Variants in SCN3A observed in about 807,000 individuals in gnomAD.
SCN3A encodes the protein sodium channel protein type 3 subunit alpha.
In SCN3A, 60 loss-of-function variants were observed where a neutral mutation model predicts 187.6. That is an observed-to-expected ratio of 0.32 (90% CI 0.26 to 0.40). The LOEUF (loss-of-function observed/expected upper bound fraction) is 0.40, where lower values mean the gene tolerates loss of function less well. Among genes scored for constraint, SCN3A ranks in the 10% least tolerant of loss-of-function variants. The pLI is 1.00. For synonymous variants in SCN3A, 788 were observed against 829.2 expected (o/e 0.95, Z 0.85); for missense variants, 1,601 against 2,428.2 (o/e 0.66, Z 7.16).
Position 165,087,948 on chromosome 2 carries a change from A to G in SCN3A, c.*2202T>C, listed in dbSNP as rs1333049284. On this transcript the variant is annotated 3_prime_UTR_variant, in exon 28 of 28. Coordinates refer to ENST00000283254, the MANE Select transcript of SCN3A (RefSeq NM_006922.4). Reference sequence around the variant, plus strand: ...TGATCCTTTGCACACATAAAAGTTCACAAAGCTGCTTTTAATTTGCCTTTG... The same window carrying G: ...TGATCCTTTGCACACATAAAAGTTCGCAAAGCTGCTTTTAATTTGCCTTTG... 2.6e-5 allele frequency: 4 copies of G among 152,184 alleles called. No homozygotes were observed. Among genetic ancestry groups the G allele is most frequent in the Non-Finnish European group, 5.9e-5 (4 of 68,016 alleles). 9.4% of individuals were successfully genotyped at this position (152,184 alleles called of 1,614,324 possible).
At position 165,201,283 on chromosome 2, in the gene SCN3A, ATTG is replaced by A. The variant is rs142618843; in HGVS notation, c.-248+2537_-248+2539del. Among the ~76,000 whole-genome samples, 959 of 152,196 alleles carry A rather than the reference ATTG, an allele frequency of 6.3e-3. 6 individuals are homozygous for A. Among genetic ancestry groups the A allele is most frequent in the African/African-American group, 0.022 (909 of 41,544 alleles). On this transcript the variant is annotated intron_variant, in intron 1 of 27. Coordinates refer to ENST00000283254, the MANE Select transcript of SCN3A (RefSeq NM_006922.4). Reference sequence around the variant, plus strand: ...TAAGTGATACTATTATAGGTACACAATTGTTGTTGTTTCAGCAAGGGCATCCTT... The same window carrying A: ...TAAGTGATACTATTATAGGTACACAATTGTTGTTTCAGCAAGGGCATCCTT...
Position 165,090,662 on chromosome 2 carries a change from T to G in SCN3A, c.5491A>C (p.Lys1831Gln). 6.2e-7 allele frequency: 1 copy of G among 1,614,088 alleles called. No individual in the cohort carries two copies. Among genetic ancestry groups the G allele is most frequent in the African/African-American group, 1.3e-5 (1 of 75,032 alleles). ...AGATCCATGGCAATAAGCTGGACTT[T>G]GTTGGGTTTTGCTATGAGAAGAGGA... ...DPPLLIAKPN[K>Q]VQLIAMDLPM... Residue 1831 changes from lysine (K) to glutamine (Q), a missense_variant, in exon 28 of 28, where the codon AAA becomes CAA. This residue lies in a region of SCN3A where 110 missense variants were observed against 175.9 expected (regional missense o/e 0.63). Transcript: ENST00000283254. The surrounding 1 kb of genome is among the most constrained non-coding windows in gnomAD (Gnocchi z 4.0).
intron 18 of SCN3A, among the ~76,000 whole-genome samples, chr2:165,116,178 G>A (rs1686359844): frequency 6.6e-6 from 1 of 152,020 alleles, no homozygotes; most frequent in African/African-American, 2.4e-5. Flanking sequence ...AAAAATGATG[G>A]ATCTCTCTCT....
intron 12 of SCN3A, among the ~76,000 whole-genome samples, chr2:165,143,591 G>T (rs954574260): frequency 2.6e-5 from 4 of 152,186 alleles, no homozygotes; most frequent in African/African-American, 9.7e-5. Context: ...CACACTAGAA[G>T]ATGCAGCAGA....
chr2:165,103,696 G>A (rs1326775960), intron 21 of SCN3A, among the ~76,000 whole-genome samples: 2 of 152,118 alleles, frequency 1.3e-5, no homozygotes, highest in Non-Finnish European at 2.9e-5. Flanking sequence ...TTCCAAAGAA[G>A]ATTCTGGAAA....
intron 15 of SCN3A, among the ~76,000 whole-genome samples, chr2:165,133,915 G>A (rs533143607): frequency 6.6e-5 from 10 of 152,068 alleles, no homozygotes; most frequent in South Asian, 2.1e-4. Context: ...AATTGATTTC[G>A]TAAAAACCAT....
chr2:165,143,337 T>G (rs909011651), intron 12 of SCN3A, among the ~76,000 whole-genome samples: 5 of 152,198 alleles, frequency 3.3e-5, no homozygotes, highest in Admixed American at 1.3e-4. Context: ...AAAATCGGTC[T>G]ACACAGTATT....
rs1277810523 is a variant in SCN3A at position 165,089,916 on chromosome 2, C to T, written c.*234G>A. 2 of 558,188 alleles carry T rather than the reference C, an allele frequency of 3.6e-6. No individual in the cohort carries two copies. The highest frequency in any genetic ancestry group is 6.6e-5 in the Admixed American group (2 of 30,502). The allele number at this position is 558,188 out of a possible 1,614,324, so 34.6% of individuals were successfully genotyped here. A position where few individuals can be genotyped will look rare whatever the true frequency, so the allele number is the denominator to read the frequency against. On this transcript the variant is annotated 3_prime_UTR_variant, in exon 28 of 28. Transcript: ENST00000283254. Reference sequence around the variant, plus strand: ...AGTCTAGGTAGCCATTGGGTTTCTCCTCAGCAGTGTCAGCTGGTAATAAAA... The same window carrying T: ...AGTCTAGGTAGCCATTGGGTTTCTCTTCAGCAGTGTCAGCTGGTAATAAAA...
chr2:165,108,464 C>T (rs1165541111), intron 21 of SCN3A, among the ~76,000 whole-genome samples: 1 of 152,116 alleles, frequency 6.6e-6, no homozygotes, highest in African/African-American at 2.4e-5. Flanking sequence ...CAAGCATCTC[C>T]TTTTAACCTG....
rs554865846 is a variant in SCN3A, at chr2:165,139,354, T to C, written c.2152+122A>G. 6.5e-4 allele frequency: 864 copies of C among 1,328,104 alleles called. 2 individuals are homozygous for C. In the African/African-American group the frequency reaches 0.012, roughly 18 times the overall value. 82.3% of individuals were successfully genotyped at this position (1,328,104 alleles called of 1,614,324 possible). On this transcript the variant is annotated intron_variant, in intron 14 of 27. Transcript: ENST00000283254. ...GTGATAATGTACTCCATATATCACATTCTTAGGTCTAATATATAGTTTCGA... is the reference window on the plus strand; with the variant it reads ...GTGATAATGTACTCCATATATCACACTCTTAGGTCTAATATATAGTTTCGA...
At chr2:165,098,044 CCT>C (rs1685442597) in intron 22 of SCN3A, among the ~76,000 whole-genome samples, 1 of 151,980 alleles carries the variant, frequency 6.6e-6, no homozygotes, top group African/African-American at 2.4e-5. Context: ...CCTTTTTCCC[CCT>C]GTTAGTAAAT....
intron 7 of SCN3A, 62 bp from the exon 8 acceptor site, chr2:165,162,890 G>A: frequency 6.4e-7 from 1 of 1,568,834 alleles, no homozygotes; most frequent in Non-Finnish European, 8.8e-7. Context: ...TTTCTTAATA[G>A]TCACACACAT....
intron 5 of SCN3A, among the ~76,000 whole-genome samples, chr2:165,167,407 A>T (rs1689838579): frequency 6.6e-6 from 1 of 152,118 alleles, no homozygotes; most frequent in South Asian, 2.1e-4. Context: ...ACTGACAAAT[A>T]ATGGCTTAGA....
intron 1 of SCN3A, among the ~76,000 whole-genome samples, chr2:165,202,283 G>C (rs1692372484): frequency 6.6e-6 from 1 of 151,924 alleles, no homozygotes; most frequent in South Asian, 2.1e-4. Flanking sequence ...AGAGACTGTT[G>C]CAACTATACC....
At chr2:165,146,201 A>C (rs774195298) in intron 12 of SCN3A, among the ~76,000 whole-genome samples, 5 of 151,992 alleles carry the variant, frequency 3.3e-5, no homozygotes, top group Non-Finnish European at 7.4e-5. Flanking sequence ...TAAAGACAAA[A>C]CCCAAAGAAC....
intron 15 of SCN3A, among the ~76,000 whole-genome samples, chr2:165,133,107 G>A (rs1300486619): frequency 1.3e-5 from 2 of 152,144 alleles, no homozygotes; most frequent in Admixed American, 6.5e-5. Flanking sequence ...AGTTAGAATG[G>A]CAATCATTAA....
chr2:165,184,710 T>C (rs1032884002), intron 2 of SCN3A, among the ~76,000 whole-genome samples: 1 of 152,138 alleles, frequency 6.6e-6, no homozygotes, highest in Non-Finnish European at 1.5e-5. Context: ...CAGGAATGAA[T>C]TAATAACAAA....
At chr2:165,137,756 ATTTC>A in intron 15 of SCN3A, 119 bp downstream of exon 15, 2 of 784,186 alleles carry the variant, frequency 2.6e-6, no homozygotes, top group Admixed American at 1.8e-5. Flanking sequence ...TTCCTTAGAT[ATTTC>A]TTTCTATGAG....
chr2:165,193,724 C>T (rs767691049), intron 1 of SCN3A, among the ~76,000 whole-genome samples: 2 of 152,086 alleles, frequency 1.3e-5, no homozygotes, highest in Non-Finnish European at 2.9e-5. Flanking sequence ...GAACTGGGAA[C>T]TTGAGGTATG....
Sources: gnomAD v4.1 joint callset for allele counts (sites outside exome capture counted in the v4.1 genomes callset) on GRCh38, gnomAD v4.1.1 for gene constraint, gnomAD v4.1.1 regional missense constraint, Gnocchi (gnomAD v3.1) non-coding constraint, MANE v1.5 for transcripts, NCBI Gene and HGNC (gene_info 2026-07-23, HGNC 2026-07-21) for gene names.